The following CELF3 variants were observed in gnomAD, a reference collection of about 807,000 sequenced individuals.
The protein encoded by CELF3 is CUGBP Elav-like family member 3.
Under a neutral mutation model 59.6 loss-of-function variants are expected in CELF3, and 26 were observed. The observed-to-expected ratio is 0.44, with a 90% CI of 0.32 to 0.61. The LOEUF is 0.61. Ranked by LOEUF, CELF3 falls within the 20% of genes least tolerant of loss-of-function variation. The pLI, the probability that CELF3 is intolerant of heterozygous loss-of-function variation, is 0.06. For missense variants in CELF3, 387 were observed against 627.2 expected, an observed-to-expected ratio of 0.62 and a Z score of 4.09; for synonymous variants, 245 against 250.7, an observed-to-expected ratio of 0.98 and a Z score of 0.22.
rs574081772 is a variant in CELF3 at position 151,716,026 on chromosome 1, C to A, written c.-6G>T. 4 of 1,608,306 alleles carry A rather than the reference C, an allele frequency of 2.5e-6. No homozygotes were observed. Among genetic ancestry groups the A allele is most frequent in the Non-Finnish European group, 2.5e-6 (3 of 1,176,888 alleles). On this transcript the variant is annotated 5_prime_UTR_variant, in exon 1 of 13. Transcript: ENST00000290583. Reference sequence around the variant, plus strand: ...ATGGCATCCGGCTCCTTCATTGAGGCGGCCCAGGAGGAGGGGCCGAGGGGA... The same window carrying A: ...ATGGCATCCGGCTCCTTCATTGAGGAGGCCCAGGAGGAGGGGCCGAGGGGA...
intron 8 of CELF3, 126 bp from the exon 9 acceptor site, chr1:151,706,860 A>T: frequency 1.3e-6 from 1 of 757,462 alleles, no homozygotes. Context: ...ATGGGGTGTG[A>T]AGTGAGAAGG....
In CELF3 at chr1:151,709,067, G is replaced by A. The variant is rs200147307; in HGVS notation, c.417C>T (p.Phe139=). The change falls in exon 5 of 13, where the codon TTC becomes TTT. Residue 139 remains phenylalanine (F), a synonymous_variant. Coordinates refer to ENST00000290583, the MANE Select transcript of CELF3 (RefSeq NM_007185.7). This position sits in a 1 kb window ranked among gnomAD's most constrained non-coding sequence, Gnocchi z 4.9. The part of the protein sequence containing the change: ...GPDGTSKGCA[F]VKFQTHAEAQ... ...CCTCAGCGTGGGTCTGGAACTTCACGAAGGCGCAGCCTGGAGAGGTTGAGA... is the reference window on the plus strand; with the variant it reads ...CCTCAGCGTGGGTCTGGAACTTCACAAAGGCGCAGCCTGGAGAGGTTGAGA... The A allele has an allele frequency of 1.4e-4, 224 of 1,613,900 alleles. No homozygotes were observed. The East Asian group carries it at 4.2e-3, about 31-fold the overall frequency.
rs1289111048 is a variant in CELF3 at position 151,716,323 on chromosome 1, A to G, written c.-303T>C. ...TCCCAGGATGGGGGTGAGTATGGCCAAGACCTGGAGGGTTAGGTGGTAGCC... is the reference window on the plus strand; with the variant it reads ...TCCCAGGATGGGGGTGAGTATGGCCGAGACCTGGAGGGTTAGGTGGTAGCC... On this transcript the variant is annotated 5_prime_UTR_variant, in exon 1 of 13. Transcript: ENST00000290583. 1 of 376,274 alleles carries G rather than the reference A, an allele frequency of 2.7e-6. No homozygotes were observed. Among genetic ancestry groups the G allele is most frequent in the Non-Finnish European group, 4.9e-6 (1 of 205,674 alleles). 23.3% of individuals were successfully genotyped at this position (376,274 alleles called of 1,614,324 possible). A position where few individuals can be genotyped will look rare whatever the true frequency, so the allele number is the denominator to read the frequency against.
chr1:151,706,337 A>G lies in CELF3; in HGVS notation c.1013T>C (p.Leu338Pro). The change falls in exon 10 of 13, where the codon CTG becomes CCG. Residue 338 changes from leucine to proline, a missense_variant. By Grantham distance (98) the Leu-to-Pro change is moderately conservative (BLOSUM62 -3). Transcript: ENST00000290583. Reference protein sequence around the residue: ...YTAAYPAAYSLVAPAFPQPPA... With the variant: ...YTAAYPAAYSPVAPAFPQPPA... ...AGGCTGCGGGAACGCAGGTGCAACC[A>G]GGCTGTAGGCTGCTGGGTAGGCTGC... 6.4e-7 allele frequency: 1 copy of G among 1,551,092 alleles called. No homozygotes were observed.
At chr1:151,706,462 T>G in intron 9 of CELF3, 101 bp from the exon 10 acceptor site, 2 of 1,318,606 alleles carry the variant, frequency 1.5e-6, no homozygotes, top group Non-Finnish European at 2.1e-6. Context: ...CAGTGGCACC[T>G]GCAGGGCTGA....
intron 2 of CELF3, among the ~76,000 whole-genome samples, chr1:151,713,770 G>A (rs1399341053): frequency 1.3e-5 from 2 of 152,220 alleles, no homozygotes; most frequent in African/African-American, 4.8e-5. Flanking sequence ...GATCTTTGGT[G>A]GGCGTGGGGG....
chr1:151,703,436 G>A lies in CELF3; in HGVS notation c.*23C>T. 1 of 361,510 alleles carries A rather than the reference G, an allele frequency of 2.8e-6. No individual in the cohort carries two copies. Among genetic ancestry groups the A allele is most frequent in the Non-Finnish European group, 5.5e-6 (1 of 182,114 alleles). The allele number at this position is 361,510 out of a possible 1,614,324, so 22.4% of individuals were successfully genotyped here. On this transcript the variant is annotated 3_prime_UTR_variant, in exon 13 of 13. Transcript: ENST00000290583. The stretch of plus-strand genomic sequence containing the variant: ...GAGGGTGTGAGGCGCCCCTTCCTCT[G>A]GGATCTCCAGACCTGTGAAGGAAGA...
chr1:151,714,424 CA>C, intron 2 of CELF3, 169 bp downstream of exon 2: 1 of 682,214 alleles, frequency 1.5e-6, no homozygotes, highest in Non-Finnish European at 2.7e-6. Context: ...CTCCAGGTAA[CA>C]AGAAATGCAT....
At chr1:151,713,366 T>A (rs1673188866) in intron 2 of CELF3, 1 of 152,234 alleles carries the variant, frequency 6.6e-6, no homozygotes, top group Non-Finnish European at 1.5e-5. Context: ...CTGGTACACA[T>A]GACCTTTGGG....
intron 2 of CELF3, chr1:151,710,124 G>A (rs1312722311): frequency 3.0e-6 from 1 of 329,044 alleles, no homozygotes; most frequent in South Asian, 4.0e-5. Context: ...GCCCGACCAA[G>A]GAGTTATTTA....
Position 151,708,520 on chromosome 1 carries a change from C to A in CELF3, c.486+478G>T, listed in dbSNP as rs576234535. 2.1e-5 allele frequency: 4 copies of A among 189,176 alleles called. No individual in the cohort carries two copies. In the East Asian group the frequency reaches 5.4e-4, roughly 26 times the overall value. The allele number at this position is 189,176 out of a possible 1,614,324, so 11.7% of individuals were successfully genotyped here. On this transcript the variant is annotated intron_variant, in intron 5 of 12. Coordinates refer to ENST00000290583, the MANE Select transcript of CELF3 (RefSeq NM_007185.7). ...AAGGCCCCGTGAAATGTCTGCCCAG[C>A]CTTTGCTGGAGAGCTGTGAGTTATG...
At chr1:151,704,234 TG>T (rs1380011240) in intron 12 of CELF3, among the ~76,000 whole-genome samples, 1 of 151,356 alleles carries the variant, frequency 6.6e-6, no homozygotes, top group Non-Finnish European at 1.5e-5. Context: ...CAGCCAGGAT[TG>T]GGGGGAAAGG....
Position 151,709,184 on chromosome 1 carries a change from A to G in CELF3, c.406+36T>C, listed in dbSNP as rs1672808559. 1.3e-6 allele frequency: 2 copies of G among 1,599,382 alleles called. No homozygotes were observed. Among genetic ancestry groups the G allele is most frequent in the Non-Finnish European group, 1.7e-6 (2 of 1,167,534 alleles). On this transcript the variant is annotated intron_variant, in intron 4 of 12. Coordinates refer to ENST00000290583, the MANE Select transcript of CELF3 (RefSeq NM_007185.7). This position sits in a 1 kb window ranked among gnomAD's most constrained non-coding sequence, Gnocchi z 4.9. ...TCTTGGGGGTGGAACAGGAAGGGGA[A>G]GGGCCCGGTGGGGAAGGGGGAAGTG...
chr1:151,705,167 G>A lies in CELF3; in HGVS notation c.1272C>T (p.Gly424=), dbSNP rs770792804. 1 of 1,612,294 alleles carries A rather than the reference G, an allele frequency of 6.2e-7. No homozygotes were observed. The highest frequency in any genetic ancestry group is 1.3e-5 in the African/African-American group (1 of 74,900). Reference sequence around the variant, plus strand: ...TGGCCGGATTGTCGAAACTCACAAAGCCTGGGGTGAGAGGGGCATAAGGCC... The same window carrying A: ...TGGCCGGATTGTCGAAACTCACAAAACCTGGGGTGAGAGGGGCATAAGGCC... The part of the protein sequence containing the change: ...DRATNQSKCF[G]FVSFDNPASA... Residue 424 remains glycine, a splice_region_variant and synonymous_variant, in exon 12 of 13, where the codon GGC becomes GGT. Transcript: ENST00000290583. The surrounding 1 kb of genome is among the most constrained non-coding windows in gnomAD (Gnocchi z 5.1).
chr1:151,706,708 G>T lies in CELF3; in HGVS notation c.949C>A (p.Pro317Thr), dbSNP rs760814554. 9 of 1,550,800 alleles carry T rather than the reference G, an allele frequency of 5.8e-6. No homozygotes were observed. The highest frequency in any genetic ancestry group is 7.8e-6 in the Non-Finnish European group (9 of 1,146,744). The part of the protein sequence containing the change: ...PAQSPAAPVD[P>T]LQQAYAGMQH... ...ATCCCCGCGTAGGCCTGCTGCAGGG[G>T]GTCCACGGGGGCCGCGGGGCTCTGG... Residue 317 changes from proline (P) to threonine (T), a missense_variant, in exon 9 of 13, where the codon CCC (proline) becomes ACC (threonine). Physicochemically the swap from Pro to Thr is conservative, Grantham distance 38 (BLOSUM62 -1). Coordinates refer to ENST00000290583, the MANE Select transcript of CELF3 (RefSeq NM_007185.7).
chr1:151,714,731 C>T, intron 1 of CELF3, 55 bp from the exon 2 acceptor site: 1 of 1,254,984 alleles, frequency 8.0e-7, no homozygotes. Flanking sequence ...TCCATCTCCC[C>T]TCTCTGAAAG....
At chr1:151,708,364 C>T (rs1672746422) in intron 5 of CELF3, 1 of 187,452 alleles carries the variant, frequency 5.3e-6, no homozygotes, top group Non-Finnish European at 1.1e-5. Context: ...AATCTTAATA[C>T]TAGTCTGAGC....
At chr1:151,706,017 C>T (rs764058072) in intron 10 of CELF3, 52 bp from the exon 11 acceptor site, 4 of 1,606,766 alleles carry the variant, frequency 2.5e-6, no homozygotes, top group East Asian at 4.5e-5. Context: ...GAGGCACACA[C>T]CCCAGAAGCA....
chr1:151,715,584 T>G, intron 1 of CELF3: 2 of 1,391,554 alleles, frequency 1.4e-6, no homozygotes, highest in East Asian at 3.6e-5. Flanking sequence ...TGTCCCTCCA[T>G]TCTTTCTTGA....
Sources: gnomAD v4.1 joint callset for allele counts (sites outside exome capture counted in the v4.1 genomes callset) on GRCh38, gnomAD v4.1.1 for gene constraint, Gnocchi (gnomAD v3.1) non-coding constraint, MANE v1.5 for transcripts, NCBI Gene and HGNC (gene_info 2026-07-23, HGNC 2026-07-21) for gene names.